Variants in WWC1 observed in about 807,000 individuals in gnomAD.
WWC1 encodes WW and C2 domain containing 1.
Under a neutral mutation model 138.4 loss-of-function variants are expected in WWC1, and 55 were observed. The ratio of observed to expected loss-of-function variants is 0.40; its 90% CI spans 0.32 to 0.50. The LOEUF is 0.50. WWC1 is among the 20% of genes least tolerant of loss of function. The pLI is 0.72. For missense variants in WWC1, 1,226 were observed against 1,420.4 expected, an observed-to-expected ratio of 0.86 and a Z score of 2.20; for synonymous variants, 524 against 564.9, an observed-to-expected ratio of 0.93 and a Z score of 1.03.
chr5:168,437,729 G>T (rs1466890003), intron 15 of WWC1, among the ~76,000 whole-genome samples: 3 of 152,180 alleles, frequency 2.0e-5, no homozygotes, highest in Admixed American at 2.0e-4. Flanking sequence ...GCCCGCCCCA[G>T]ATAAACAGTA....
At chr5:168,322,703 A>G (rs1280090863) in intron 1 of WWC1, among the ~76,000 whole-genome samples, 1 of 152,218 alleles carries the variant, frequency 6.6e-6, no homozygotes, top group Non-Finnish European at 1.5e-5. Flanking sequence ...CATAAGAGAA[A>G]AAGAATCAAG....
chr5:168,343,101 A>G (rs1230877431), intron 1 of WWC1, among the ~76,000 whole-genome samples: 1 of 151,236 alleles, frequency 6.6e-6, no homozygotes, highest in Non-Finnish European at 1.5e-5. Context: ...GCGCAGATGG[A>G]CCTCCCAATT....
chr5:168,368,278 T>G (rs1306261454), intron 1 of WWC1, among the ~76,000 whole-genome samples: 4 of 152,124 alleles, frequency 2.6e-5, no homozygotes, highest in Non-Finnish European at 5.9e-5. Context: ...CTTTTTTGGT[T>G]GTTCCTACAT....
At chr5:168,459,982 T>G (rs1582382456) in intron 19 of WWC1, among the ~76,000 whole-genome samples, 1 of 152,144 alleles carries the variant, frequency 6.6e-6, no homozygotes, top group South Asian at 2.1e-4. Flanking sequence ...ACTACAGGCC[T>G]GATTTCTGGT....
intron 2 of WWC1, among the ~76,000 whole-genome samples, chr5:168,382,800 T>G (rs1252419313): frequency 1.3e-5 from 2 of 152,238 alleles, no homozygotes; most frequent in African/African-American, 4.8e-5. Context: ...GTAGCCACTG[T>G]AAGCAGTCTT....
At chr5:168,406,527 G>C (rs893861759) in intron 6 of WWC1, among the ~76,000 whole-genome samples, 200 bp downstream of exon 6, 2 of 152,222 alleles carry the variant, frequency 1.3e-5, no homozygotes, top group African/African-American at 4.8e-5. Context: ...AGGTCACACA[G>C]CTAGTGTAAA....
intron 9 of WWC1, chr5:168,416,608 T>C (rs926129816): frequency 2.6e-5 from 4 of 152,210 alleles, no homozygotes; most frequent in African/African-American, 9.7e-5. Context: ...GGGAAGCCCT[T>C]AGCTATTCAT....
chr5:168,448,287 G>A (rs1043069409), intron 17 of WWC1, among the ~76,000 whole-genome samples: 7 of 152,232 alleles, frequency 4.6e-5, no homozygotes, highest in Admixed American at 1.3e-4. Context: ...AAGGCTGTCC[G>A]TCTGTTCCAA....
chr5:168,323,439 T>A (rs1329026422), intron 1 of WWC1, among the ~76,000 whole-genome samples: 2 of 151,956 alleles, frequency 1.3e-5, no homozygotes, highest in African/African-American at 4.8e-5. Context: ...CCCAGTTATT[T>A]GGGAAGCTGA....
chr5:168,348,123 C>T (rs1774629901), intron 1 of WWC1, among the ~76,000 whole-genome samples: 1 of 152,176 alleles, frequency 6.6e-6, no homozygotes, highest in Non-Finnish European at 1.5e-5. Flanking sequence ...TACTGGCAGC[C>T]CCATTTGACA....
At chr5:168,312,823 T>A (rs1464071807) in intron 1 of WWC1, among the ~76,000 whole-genome samples, 3 of 150,350 alleles carry the variant, frequency 2.0e-5, no homozygotes, top group Non-Finnish European at 4.4e-5. Flanking sequence ...TACTTTTTTT[T>A]TTTTTTTTTT....
intron 9 of WWC1, among the ~76,000 whole-genome samples, chr5:168,419,585 A>G (rs960892414): frequency 1.3e-5 from 2 of 152,202 alleles, no homozygotes; most frequent in African/African-American, 4.8e-5. Context: ...TTGATTCAGC[A>G]GGTCAAAGTA....
At chr5:168,375,567 T>TTTTTC (rs527918649) in intron 2 of WWC1, among the ~76,000 whole-genome samples, 1 of 152,084 alleles carries the variant, frequency 6.6e-6, no homozygotes, top group East Asian at 1.9e-4. Context: ...TTTTTTTGTT[T>TTTTTC]TTTTCTTTTC....
chr5:168,403,006 T>TTTTCTCTC lies in WWC1; in HGVS notation c.591-3187_591-3186insCTCTTTCT, dbSNP rs1554104685. On this transcript the variant is annotated intron_variant, in intron 5 of 22. Coordinates refer to ENST00000265293, the MANE Select transcript of WWC1 (RefSeq NM_015238.3). ...AGCAGCCAAAAGCTCTGTTGTTTCT[T>TTTTCTCTC]TTTCTTTCTTTCTTTCTTTCTTTCT... is the stretch of plus-strand genomic sequence containing the variant. 9.5e-4 allele frequency among the ~76,000 whole-genome samples: 100 copies of TTTTCTCTC among 105,692 alleles called. 1 individual carries two copies. The Middle Eastern group carries it at 0.015, about 16-fold the overall frequency. The allele number at this position is 105,692 out of a possible 152,430, so 69.3% of individuals were successfully genotyped here.
At chr5:168,354,010 A>G (rs1483848017) in intron 1 of WWC1, among the ~76,000 whole-genome samples, 8 of 151,890 alleles carry the variant, frequency 5.3e-5, no homozygotes, top group Admixed American at 1.3e-4. Flanking sequence ...ATATTTGGAA[A>G]TAAGCTTAGG....
intron 15 of WWC1, among the ~76,000 whole-genome samples, chr5:168,433,186 A>G (rs926925078): frequency 3.9e-5 from 6 of 152,228 alleles, no homozygotes; most frequent in African/African-American, 1.4e-4. Flanking sequence ...AAGACTAACT[A>G]AGGCGCTGAA....
intron 3 of WWC1, among the ~76,000 whole-genome samples, chr5:168,397,112 T>C (rs542918835): frequency 6.6e-6 from 1 of 152,256 alleles, no homozygotes; most frequent in South Asian, 2.1e-4. Context: ...TGTGTGTGTA[T>C]ATTTGGAAAC....
At chr5:168,406,508 C>T (rs1779805108) in intron 6 of WWC1, among the ~76,000 whole-genome samples, 181 bp downstream of exon 6, 2 of 152,280 alleles carry the variant, frequency 1.3e-5, no homozygotes, top group African/African-American at 4.8e-5. Flanking sequence ...CATTAAGTGA[C>T]TTTGCATAAG....
chr5:168,463,845 CCT>C (rs1757021230), intron 20 of WWC1, among the ~76,000 whole-genome samples: 1 of 152,220 alleles, frequency 6.6e-6, no homozygotes, highest in African/African-American at 2.4e-5. Flanking sequence ...GGCATTGCTC[CCT>C]CTGTACAGCT....
Sources: gnomAD v4.1 joint callset for allele counts (sites outside exome capture counted in the v4.1 genomes callset) on GRCh38, gnomAD v4.1.1 for gene constraint, MANE v1.5 for transcripts, NCBI Gene and HGNC (gene_info 2026-07-23, HGNC 2026-07-21) for gene names.